The following CD99L2 variants were observed in gnomAD, a reference collection of about 807,000 sequenced individuals.
CD99L2 encodes the protein CD99 antigen-like protein 2.
A neutral mutation model predicts 27.3 loss-of-function variants in CD99L2; 24 were observed. The ratio of observed to expected loss-of-function variants is 0.88; its 90% confidence interval spans 0.64 to 1.24. The LOEUF (loss-of-function observed/expected upper bound fraction) is 1.24, where lower values mean the gene tolerates loss of function less well. Ranked by LOEUF, CD99L2 falls within the 50% of genes most tolerant of loss-of-function variation. The pLI is 0.00. For synonymous variants in CD99L2, 97 were observed against 87.9 expected (o/e 1.10, Z -0.58); for missense variants, 255 against 221.6 (o/e 1.15, Z -0.96).
Position 150,766,600 on chromosome X carries a change from C to A in CD99L2, c.*2434G>T, listed in dbSNP as rs2043317003. 1 of 110,070 alleles carries A rather than the reference C, an allele frequency of 9.1e-6. No homozygotes were observed. Among genetic ancestry groups the A allele is most frequent in the East Asian group, 2.8e-4 (1 of 3,561 alleles). The allele number at this position is 110,070 out of a possible 1,213,427, so 9.1% of individuals were successfully genotyped here. A position where few individuals can be genotyped will look rare whatever the true frequency, so the allele number is the denominator to read the frequency against. Reference sequence around the variant, plus strand: ...ACCCAGCATGTGCTCAGAGTTGTTACAAATTTTCTCTGCCAAATTAAGCTG... The same window carrying A: ...ACCCAGCATGTGCTCAGAGTTGTTAAAAATTTTCTCTGCCAAATTAAGCTG... On this transcript the variant is annotated 3_prime_UTR_variant, in exon 11 of 11. Transcript: ENST00000370377.
intron 2 of CD99L2, chrX:150,828,941 T>C (rs1170273493): frequency 1.8e-5 from 2 of 111,128 alleles, no homozygotes; most frequent in Non-Finnish European, 3.8e-5. Context: ...CTATTTGTAA[T>C]TGCATAAAAA....
rs202040045 is a variant in CD99L2 at position 150,861,158 on chromosome X, A to G, written c.68-29865T>C. ...CTCTGTCTCAAAAAAAAAAAAAAAA[A>G]AGAGTATCATTAAGATGACCATACT... On this transcript the variant is annotated intron_variant, in intron 1 of 10. Coordinates refer to ENST00000370377, the MANE Select transcript of CD99L2 (RefSeq NM_031462.4). 2.2e-4 allele frequency among the ~76,000 whole-genome samples: 24 copies of G among 107,861 alleles called. No individual in the cohort carries two copies. In the East Asian group the frequency reaches 4.0e-3, roughly 18 times the overall value. The allele number at this position is 107,861 out of a possible 115,157, so 93.7% of individuals were successfully genotyped here.
At chrX:150,770,471 G>T in intron 9 of CD99L2, 102 bp from the exon 10 acceptor site, 1 of 730,970 alleles carries the variant, frequency 1.4e-6, no homozygotes, top group Non-Finnish European at 2.1e-6. Flanking sequence ...TAAAAAAGCA[G>T]CACAGCTCCC....
At chrX:150,867,659 C>T (rs920556792) in intron 1 of CD99L2, among the ~76,000 whole-genome samples, 13 of 109,666 alleles carry the variant, frequency 1.2e-4, no homozygotes, top group African/African-American at 4.0e-4. Flanking sequence ...TTTGGGAGGC[C>T]GAGACGGGGG....
chrX:150,890,844 G>A (rs1375928448), intron 1 of CD99L2, among the ~76,000 whole-genome samples: 1 of 113,318 alleles, frequency 8.8e-6, no homozygotes, highest in Non-Finnish European at 1.9e-5. Flanking sequence ...GGCCTCTGGA[G>A]ACAGCCAGTG....
chrX:150,871,499 T>C lies in CD99L2; in HGVS notation c.67+27023A>G, dbSNP rs781905610. On this transcript the variant is annotated intron_variant, in intron 1 of 10. Transcript: ENST00000370377. The stretch of plus-strand genomic sequence containing the variant: ...GAGCCGAACACCAGCAAATATTGGA[T>C]ATGGTGCAGAGGAACTGGAACTCAT... 7.2e-5 allele frequency among the ~76,000 whole-genome samples: 8 copies of C among 111,833 alleles called. No individual in the cohort carries two copies. In the South Asian group the frequency reaches 2.2e-3, roughly 31 times the overall value.
chrX:150,883,501 C>T (rs782089548), intron 1 of CD99L2, among the ~76,000 whole-genome samples: 19 of 111,240 alleles, frequency 1.7e-4, no homozygotes, highest in South Asian at 3.8e-4. Flanking sequence ...CAAATTCCAC[C>T]CCCAGAGGAT....
rs782463697 is a variant in CD99L2, at chrX:150,834,410, C to T, written c.68-3117G>A. Among the ~76,000 whole-genome samples, 317 of 111,900 alleles carry T rather than the reference C, an allele frequency of 2.8e-3. 1 individual carries two copies. The highest frequency in any genetic ancestry group is 9.2e-3 in the African/African-American group (285 of 30,812). ...GGGAGGCTGAGGCAGGAGAATCTCT[C>T]GAACCAGAGATGCAGAGGTTGCAGT... On this transcript the variant is annotated intron_variant, in intron 1 of 10. Transcript: ENST00000370377.
chrX:150,831,098 C>A, intron 2 of CD99L2, 133 bp downstream of exon 2: 1 of 529,615 alleles, frequency 1.9e-6, no homozygotes, highest in Non-Finnish European at 3.0e-6. Flanking sequence ...CGTGAGCTAC[C>A]GTGTCCGGGC....
At chrX:150,827,488 T>C (rs980617047) in intron 2 of CD99L2, among the ~76,000 whole-genome samples, 1 of 111,605 alleles carries the variant, frequency 9.0e-6, no homozygotes, top group Non-Finnish European at 1.9e-5. Flanking sequence ...CCCTGTCGAT[T>C]GGAGGTATGA....
rs782048354 is a variant in CD99L2 at position 150,813,416 on chromosome X, T to C, written c.277+1446A>G. 8.3e-4 allele frequency among the ~76,000 whole-genome samples: 93 copies of C among 111,621 alleles called. 2 individuals carry two copies. The highest frequency in any genetic ancestry group is 8.0e-3 in the Admixed American group (84 of 10,481). ...ATCTATGATTATCTAAAAATGAAAG[T>C]TTAAATTTTAAAAAGTAGGTAAACA... On this transcript the variant is annotated intron_variant, in intron 4 of 10. Coordinates refer to ENST00000370377, the MANE Select transcript of CD99L2 (RefSeq NM_031462.4).
chrX:150,865,654 C>T (rs978069850), intron 1 of CD99L2, among the ~76,000 whole-genome samples: 1 of 111,817 alleles, frequency 8.9e-6, no homozygotes, highest in African/African-American at 3.2e-5. Context: ...AGTGACTGCA[C>T]AGGAGGCCTT....
At chrX:150,850,969 C>G (rs1400152122) in intron 1 of CD99L2, among the ~76,000 whole-genome samples, 1 of 111,604 alleles carries the variant, frequency 9.0e-6, no homozygotes, top group Non-Finnish European at 1.9e-5. Flanking sequence ...TCCCAAGAAG[C>G]TGGGATTACA....
chrX:150,895,883 C>T (rs2047597540), intron 1 of CD99L2, among the ~76,000 whole-genome samples: 1 of 109,111 alleles, frequency 9.2e-6, no homozygotes, highest in Non-Finnish European at 1.9e-5. Context: ...AAAAGTTAGC[C>T]GGTGTGGTGG....
At chrX:150,890,760 C>A (rs965014334) in intron 1 of CD99L2, among the ~76,000 whole-genome samples, 2 of 112,585 alleles carry the variant, frequency 1.8e-5, no homozygotes, top group Admixed American at 1.9e-4. Context: ...AAATCAGAAA[C>A]CCTCTGTCTG....
At chrX:150,879,750 TAAAAAAAAAA>T (rs60706288) in intron 1 of CD99L2, among the ~76,000 whole-genome samples, 1 of 19,388 alleles carries the variant, frequency 5.2e-5, no homozygotes, top group Non-Finnish European at 8.6e-5. Context: ...CTACAAAAAC[TAAAAAAAAAA>T]AAAAAAAAAA....
At chrX:150,784,023 C>T (rs1237755518) in intron 7 of CD99L2, among the ~76,000 whole-genome samples, 2 of 111,486 alleles carry the variant, frequency 1.8e-5, no homozygotes, top group Admixed American at 9.5e-5. Flanking sequence ...CTGCAGATAA[C>T]GAAGGAGAGG....
At chrX:150,800,422 A>G (rs1434430429) in intron 4 of CD99L2, among the ~76,000 whole-genome samples, 1 of 112,295 alleles carries the variant, frequency 8.9e-6, no homozygotes, top group Non-Finnish European at 1.9e-5. Context: ...AAAACAAAAA[A>G]TAATACAACT....
chrX:150,789,382 G>C (rs1280886488), intron 7 of CD99L2, among the ~76,000 whole-genome samples: 1 of 111,571 alleles, frequency 9.0e-6, no homozygotes, highest in Non-Finnish European at 1.9e-5. Context: ...TCGGCCTCCA[G>C]AAGTGCTGGG....
Sources: allele counts gnomAD v4.1 joint callset (sites outside exome capture counted in the v4.1 genomes callset), GRCh38; gene constraint gnomAD v4.1.1; transcripts MANE v1.5; gene names NCBI Gene and HGNC (gene_info 2026-07-23, HGNC 2026-07-21).